KIAA1217: variants seen among roughly 807,000 people sequenced by gnomAD.
KIAA1217 encodes KIAA1217.
Under a neutral mutation model 163.9 loss-of-function variants are expected in KIAA1217, and 88 were observed. The ratio of observed to expected loss-of-function variants is 0.54; its 90% CI spans 0.45 to 0.64. The LOEUF is 0.64. Ranked by LOEUF, KIAA1217 falls within the 30% of genes least tolerant of loss-of-function variation. The pLI is 0.00. For missense variants in KIAA1217, 2,372 were observed against 2,475.0 expected (o/e 0.96, Z 0.88); for synonymous variants, 903 against 923.1 (o/e 0.98, Z 0.39).
intron 1 of KIAA1217, among the ~76,000 whole-genome samples, chr10:23,876,610 C>A (rs1840708324): frequency 1.3e-5 from 2 of 151,924 alleles, no homozygotes; most frequent in South Asian, 4.1e-4. Context: ...TGGCACTCTT[C>A]CAGAAACATG....
At chr10:24,375,669 A>T (rs1047319758) in intron 2 of KIAA1217, among the ~76,000 whole-genome samples, 3 of 152,256 alleles carry the variant, frequency 2.0e-5, no homozygotes, top group Non-Finnish European at 1.5e-5. Context: ...AGTGCTAGGA[A>T]TGAGTCATTC....
chr10:24,073,423 T>A (rs1281917087), intron 2 of KIAA1217, among the ~76,000 whole-genome samples: 1 of 152,202 alleles, frequency 6.6e-6, no homozygotes, highest in Non-Finnish European at 1.5e-5. Context: ...CTCACATAGA[T>A]GTCCCGGAAC....
chr10:23,695,937 C>A lies in KIAA1217; in HGVS notation c.-321+703C>A, dbSNP rs949141476. Among the ~76,000 whole-genome samples, 31 of 152,206 alleles carry A rather than the reference C, an allele frequency of 2.0e-4. No homozygotes were observed. Among genetic ancestry groups the A allele is most frequent in the African/African-American group, 6.5e-4 (27 of 41,460 alleles). ...GCGACAGCGCCCGGGAGCAGGGTGA[C>A]CCCCACAGCGGCCGGCCTTCCGGCT... On this transcript the variant is annotated intron_variant, in intron 1 of 18. Transcript: ENST00000376462. This position sits in a 1 kb window ranked among gnomAD's most constrained non-coding sequence, Gnocchi z 4.9.
rs56155837 is a variant in KIAA1217, at chr10:24,175,023, AT to A, written c.-170-44591del. ...AGGTGTGCACCACCATGCCTGGCTA[AT>A]TTTTTTTTTTTATTTTCAGTAGAGA... On this transcript the variant is annotated intron_variant, in intron 2 of 18. Transcript: ENST00000376462. Among the ~76,000 whole-genome samples the A allele has an allele frequency of 4.4e-3, 656 of 148,704 alleles. 2 individuals are homozygous for A. The highest frequency in any genetic ancestry group is 0.015 in the African/African-American group (610 of 40,592).
chr10:24,008,066 A>C (rs1054867236), intron 2 of KIAA1217, among the ~76,000 whole-genome samples: 9 of 151,992 alleles, frequency 5.9e-5, no homozygotes, highest in African/African-American at 2.2e-4. Flanking sequence ...AACGTTTTTC[A>C]TTTTCTCCCA....
chr10:24,328,447 A>G (rs1239680025), intron 2 of KIAA1217, among the ~76,000 whole-genome samples: 1 of 151,956 alleles, frequency 6.6e-6, no homozygotes, highest in Non-Finnish European at 1.5e-5. Flanking sequence ...AAGAACTCAG[A>G]TAAGTCAAAT....
intron 2 of KIAA1217, among the ~76,000 whole-genome samples, chr10:24,243,293 G>A (rs1456723639): frequency 6.6e-6 from 1 of 152,040 alleles, no homozygotes; most frequent in Non-Finnish European, 1.5e-5. Flanking sequence ...GATTCAGGGG[G>A]TACATGTGCA....
chr10:23,854,171 A>C (rs1289519821), intron 1 of KIAA1217, among the ~76,000 whole-genome samples: 2 of 151,214 alleles, frequency 1.3e-5, no homozygotes, highest in Non-Finnish European at 3.0e-5. Context: ...GTTTCCCTCT[A>C]CATGCTGCTT....
chr10:24,032,194 T>G (rs1848215530), intron 2 of KIAA1217, among the ~76,000 whole-genome samples: 1 of 152,182 alleles, frequency 6.6e-6, no homozygotes, highest in Non-Finnish European at 1.5e-5. Context: ...CCCATTACCC[T>G]TGTAAGTTAC....
At chr10:23,882,832 T>A (rs906613813) in intron 1 of KIAA1217, among the ~76,000 whole-genome samples, 2 of 151,920 alleles carry the variant, frequency 1.3e-5, no homozygotes, top group African/African-American at 4.8e-5. Context: ...TTTATGTGAT[T>A]CCTCATGAAA....
intron 5 of KIAA1217, among the ~76,000 whole-genome samples, chr10:24,439,095 T>C (rs1345980800): frequency 6.6e-6 from 1 of 152,090 alleles, no homozygotes; most frequent in Non-Finnish European, 1.5e-5. Flanking sequence ...TATCCAAACA[T>C]TCAAAGCACA....
chr10:23,782,805 T>C (rs1242003679), intron 1 of KIAA1217, among the ~76,000 whole-genome samples: 1 of 152,186 alleles, frequency 6.6e-6, no homozygotes, highest in African/African-American at 2.4e-5. Flanking sequence ...ACTTTTTCCT[T>C]CCCAATTTGG....
At chr10:24,077,079 G>A (rs958596503) in intron 2 of KIAA1217, among the ~76,000 whole-genome samples, 6 of 152,096 alleles carry the variant, frequency 3.9e-5, no homozygotes, top group African/African-American at 1.4e-4. Context: ...GTTTTACCGT[G>A]TTGGTCAGGC....
chr10:24,295,028 G>A (rs1160172921), intron 2 of KIAA1217, among the ~76,000 whole-genome samples: 3 of 152,196 alleles, frequency 2.0e-5, no homozygotes, highest in African/African-American at 7.2e-5. Context: ...TACTAGAAAT[G>A]TCTCTCTTCT....
chr10:24,378,411 A>T (rs2052817868), intron 2 of KIAA1217, among the ~76,000 whole-genome samples: 1 of 152,096 alleles, frequency 6.6e-6, no homozygotes, highest in Admixed American at 6.6e-5. Flanking sequence ...TCCCTCACCT[A>T]CACTCTTCCT....
intron 1 of KIAA1217, among the ~76,000 whole-genome samples, chr10:23,956,753 G>A (rs1487259008): frequency 1.3e-5 from 2 of 152,130 alleles, no homozygotes; most frequent in East Asian, 1.9e-4. Context: ...AGTGTATCTC[G>A]TGGCAAGAGT....
chr10:24,339,053 TCA>T (rs2046741110), intron 2 of KIAA1217, among the ~76,000 whole-genome samples: 1 of 152,226 alleles, frequency 6.6e-6, no homozygotes, highest in Admixed American at 6.5e-5. Flanking sequence ...CATATTTTTC[TCA>T]GTGTTACTAT....
chr10:24,420,304 G>T (rs2058628920), intron 3 of KIAA1217, among the ~76,000 whole-genome samples: 1 of 152,038 alleles, frequency 6.6e-6, no homozygotes. Flanking sequence ...TAATTTATTG[G>T]CCACTGGAGT....
At chr10:24,344,349 C>T (rs2047466035) in intron 2 of KIAA1217, among the ~76,000 whole-genome samples, 1 of 152,180 alleles carries the variant, frequency 6.6e-6, no homozygotes, top group Non-Finnish European at 1.5e-5. Context: ...ATTTCTTGCG[C>T]TTTGTCTTTT....
Sources: gnomAD v4.1 joint callset for allele counts (sites outside exome capture counted in the v4.1 genomes callset) on GRCh38, gnomAD v4.1.1 for gene constraint, Gnocchi (gnomAD v3.1) non-coding constraint, MANE v1.5 for transcripts, NCBI Gene and HGNC (gene_info 2026-07-23, HGNC 2026-07-21) for gene names.